Variants in PAK3 observed in about 807,000 individuals in gnomAD.
PAK3 encodes serine/threonine-protein kinase PAK 3.
A neutral mutation model predicts 41.0 loss-of-function variants in PAK3; 4 were observed. That is an observed-to-expected ratio of 0.10 (90% confidence interval 0.05 to 0.22). The LOEUF is 0.22. Among genes scored for constraint, PAK3 ranks in the 10% least tolerant of loss-of-function variants. The probability of loss-of-function intolerance (pLI) is 1.00; values close to 1 mark genes in which losing one functional copy is unlikely to be tolerated. For missense variants in PAK3, 205 were observed against 409.9 expected, an observed-to-expected ratio of 0.50 and a Z score of 4.32; for synonymous variants, 146 against 139.6, an observed-to-expected ratio of 1.05 and a Z score of -0.32.
chrX:110,997,243 C>CTT lies in PAK3; in HGVS notation c.-28+52617_-28+52618dup, dbSNP rs2091756265. ...GGAACTTTGAAGGTTATTGTAAGAGCTTTGGCTTTTACTGAGTAAGAAGGG... is the reference window on the plus strand; with the variant it reads ...GGAACTTTGAAGGTTATTGTAAGAGCTTTTTGGCTTTTACTGAGTAAGAAGGG... On this transcript the variant is annotated intron_variant, in intron 1 of 14. Coordinates refer to the PAK3 transcript ENST00000425146. 4.5e-5 allele frequency among the ~76,000 whole-genome samples: 5 copies of CTT among 110,944 alleles called. No individual in the cohort carries two copies. In the South Asian group the frequency reaches 1.9e-3, roughly 43 times the overall value.
At chrX:111,108,631 A>G (rs981444552) in intron 4 of PAK3, among the ~76,000 whole-genome samples, 2 of 112,581 alleles carry the variant, frequency 1.8e-5, no homozygotes, top group Admixed American at 1.9e-4. Context: ...GAGATGGAAC[A>G]GTTTCATTCC....
intron 4 of PAK3, among the ~76,000 whole-genome samples, chrX:111,120,447 A>G (rs1395192452): frequency 1.8e-5 from 2 of 112,026 alleles, no homozygotes; most frequent in Non-Finnish European, 1.9e-5. Context: ...TAGGAACAAA[A>G]AAGGCCACTC....
At chrX:110,976,993 G>A (rs976950712) in intron 1 of PAK3, among the ~76,000 whole-genome samples, 1 of 110,227 alleles carries the variant, frequency 9.1e-6, no homozygotes, top group Admixed American at 9.8e-5. Context: ...AGCATTAGGA[G>A]AAATATCTAA....
At chrX:111,027,366 C>A (rs1351786909) in intron 1 of PAK3, among the ~76,000 whole-genome samples, 1 of 112,065 alleles carries the variant, frequency 8.9e-6, no homozygotes, top group African/African-American at 3.2e-5. Flanking sequence ...AAATAATCAG[C>A]AGAGTTAACA....
At chrX:111,156,428 A>G (rs2094107585) in intron 8 of PAK3, among the ~76,000 whole-genome samples, 1 of 111,712 alleles carries the variant, frequency 9.0e-6, no homozygotes, top group South Asian at 3.8e-4. Flanking sequence ...GATTGAATGA[A>G]CTGAATTGGA....
intron 1 of PAK3, among the ~76,000 whole-genome samples, chrX:110,956,970 C>T (rs1194394093): frequency 9.0e-6 from 1 of 111,640 alleles, no homozygotes; most frequent in Non-Finnish European, 1.9e-5. Flanking sequence ...CCCTACCCAC[C>T]ACTGTCTGTG....
intron 5 of PAK3, among the ~76,000 whole-genome samples, chrX:111,131,609 AATTTT>A (rs2093719355): frequency 9.0e-6 from 1 of 111,654 alleles, no homozygotes; most frequent in African/African-American, 3.2e-5. Flanking sequence ...TACCAAAAAA[AATTTT>A]AGGTGTAAAC....
intron 8 of PAK3, chrX:111,152,751 A>G (rs914603588): frequency 6.5e-5 from 12 of 184,145 alleles, no homozygotes; most frequent in African/African-American, 2.7e-4. Flanking sequence ...AAGAACTAAT[A>G]TGGAATCTGC....
intron 1 of PAK3, among the ~76,000 whole-genome samples, chrX:111,090,558 G>A (rs1346940659): frequency 7.2e-5 from 8 of 111,555 alleles, no homozygotes; most frequent in African/African-American, 2.3e-4. Flanking sequence ...GTGTGGGGAT[G>A]GGGGCACTTC....
intron 1 of PAK3, among the ~76,000 whole-genome samples, chrX:110,977,524 A>G (rs1456069492): frequency 9.0e-6 from 1 of 111,565 alleles, no homozygotes; most frequent in Non-Finnish European, 1.9e-5. Flanking sequence ...AAGTCTTCTA[A>G]TCCAAGGACA....
At chrX:111,074,040 A>G (rs893015756) in intron 1 of PAK3, among the ~76,000 whole-genome samples, 2 of 112,372 alleles carry the variant, frequency 1.8e-5, no homozygotes, top group African/African-American at 6.5e-5. Context: ...CTGGGGTGCT[A>G]GAATAGTTTT....
chrX:111,132,537 C>G (rs1297126056), intron 5 of PAK3, among the ~76,000 whole-genome samples: 1 of 110,794 alleles, frequency 9.0e-6, no homozygotes, highest in Non-Finnish European at 1.9e-5. Flanking sequence ...CCAGGAGGGC[C>G]TCGACCCCAG....
chrX:110,983,326 G>T (rs2091479881), intron 1 of PAK3, among the ~76,000 whole-genome samples: 1 of 111,198 alleles, frequency 9.0e-6, no homozygotes, highest in South Asian at 3.8e-4. Flanking sequence ...TGAGGAGAGG[G>T]TTTGGGTAGA....
At chrX:111,209,267 T>G (rs1301298444) in intron 16 of PAK3, among the ~76,000 whole-genome samples, 2 of 111,836 alleles carry the variant, frequency 1.8e-5, no homozygotes, top group Admixed American at 1.9e-4. Flanking sequence ...ATTCAAATAC[T>G]AGTTGTGTGA....
intron 1 of PAK3, among the ~76,000 whole-genome samples, chrX:111,062,623 A>G (rs891690705): frequency 9.0e-6 from 1 of 111,408 alleles, no homozygotes; most frequent in African/African-American, 3.3e-5. Flanking sequence ...AGGAAGTAGC[A>G]TCTTGCTTGC....
At chrX:111,172,442 G>A (rs1245234335) in intron 10 of PAK3, among the ~76,000 whole-genome samples, 1 of 111,345 alleles carries the variant, frequency 9.0e-6, no homozygotes, top group African/African-American at 3.3e-5. Context: ...CTCTAATGAT[G>A]CCTTCACCTA....
At chrX:111,181,989 T>C (rs2094467148) in intron 11 of PAK3, among the ~76,000 whole-genome samples, 1 of 111,998 alleles carries the variant, frequency 8.9e-6, no homozygotes, top group African/African-American at 3.2e-5. Flanking sequence ...TATGGAGCAA[T>C]GGAAGATGCT....
At chrX:110,950,615 C>A (rs993916958) in intron 1 of PAK3, among the ~76,000 whole-genome samples, 6 of 111,456 alleles carry the variant, frequency 5.4e-5, no homozygotes, top group African/African-American at 2.0e-4. Flanking sequence ...TGTGATGTTC[C>A]GCTCCCTGTG....
At chrX:111,077,707 T>TAGA (rs1211205276) in intron 1 of PAK3, among the ~76,000 whole-genome samples, 1 of 111,549 alleles carries the variant, frequency 9.0e-6, no homozygotes, top group East Asian at 2.8e-4. Context: ...GTAAAACTAC[T>TAGA]AGAAGAGAAT....
Sources: allele counts gnomAD v4.1 joint callset (sites outside exome capture counted in the v4.1 genomes callset), GRCh38; gene constraint gnomAD v4.1.1; transcripts MANE v1.5; gene names NCBI Gene and HGNC (gene_info 2026-07-23, HGNC 2026-07-21).